MGST1: variants seen among roughly 807,000 people sequenced by gnomAD.
MGST1 encodes the protein glutathione S-transferase 12.
A neutral mutation model predicts 8.9 loss-of-function variants in MGST1; 5 were observed. The ratio of observed to expected loss-of-function variants is 0.56; its 90% CI spans 0.29 to 1.19. MGST1 has a LOEUF of 1.19. MGST1 is among the 50% of genes most tolerant of loss of function. The pLI is 0.08. For synonymous variants in MGST1, 54 were observed against 67.8 expected (o/e 0.80, Z 1.00); for missense variants, 182 against 187.4 (o/e 0.97, Z 0.17).
At chr12:16,565,591 A>T (rs1215077395) in intron 4 of MGST1, among the ~76,000 whole-genome samples, 1 of 152,216 alleles carries the variant, frequency 6.6e-6, no homozygotes, top group African/African-American at 2.4e-5. Flanking sequence ...GAATGTACAT[A>T]TAAAAATATA....
intron 4 of MGST1, among the ~76,000 whole-genome samples, chr12:16,454,249 A>AT (rs1434509154): frequency 7.2e-5 from 11 of 151,846 alleles, no homozygotes; most frequent in Non-Finnish European, 1.2e-4. Flanking sequence ...TTTAGGAACT[A>AT]TTTTTTCCTG....
intron 1 of MGST1, among the ~76,000 whole-genome samples, chr12:16,431,005 G>A (rs12310436): frequency 0.03 from 4,526 of 152,272 alleles, 247 homozygotes; most frequent in African/African-American, 0.1. Context: ...ATAACTTGCC[G>A]AAGCTTCTAC....
chr12:16,583,046 CA>C (rs55665813), intron 4 of MGST1, among the ~76,000 whole-genome samples: 2,032 of 126,670 alleles, frequency 0.016, 41 homozygotes, highest in African/African-American at 0.056. Context: ...GACTCCGCCT[CA>C]AAAAAAAAAA....
intron 2 of MGST1, among the ~76,000 whole-genome samples, chr12:16,355,142 T>C (rs533497925): frequency 6.6e-6 from 1 of 152,240 alleles, no homozygotes; most frequent in South Asian, 2.1e-4. Flanking sequence ...TCCTGAGTTT[T>C]GTCCTCTAGA....
chr12:16,359,486 G>A lies in MGST1; in HGVS notation c.221+1787G>A, dbSNP rs115788373. 6.2e-3 allele frequency among the ~76,000 whole-genome samples: 945 copies of A among 152,254 alleles called. 9 individuals carry two copies. Among genetic ancestry groups the A allele is most frequent in the African/African-American group, 0.021 (888 of 41,546 alleles). On this transcript the variant is annotated intron_variant, in intron 3 of 3. Coordinates refer to ENST00000396210, the MANE Select transcript of MGST1 (RefSeq NM_020300.5). The stretch of plus-strand genomic sequence containing the variant: ...TTCAGCAGCCCTGCTGAGTAAATCA[G>A]TGAGTCTTGAGAATGGGTTGTGTCA...
intron 4 of MGST1, among the ~76,000 whole-genome samples, chr12:16,518,268 T>G (rs1023954771): frequency 2.0e-5 from 3 of 152,196 alleles, no homozygotes; most frequent in Non-Finnish European, 4.4e-5. Context: ...TGTCTCTGCC[T>G]TGGAGCCTCT....
chr12:16,560,367 CAG>C lies in MGST1; in HGVS notation n.483-29156_483-29155del. The C allele has an allele frequency of 6.3e-7, 1 of 1,588,166 alleles. No individual in the cohort carries two copies. Among genetic ancestry groups the C allele is most frequent in the Non-Finnish European group, 8.6e-7 (1 of 1,167,300 alleles). ...CCACCTATTAAATAAATAGCCAGCA[CAG>C]AGAGGTTAACCATTTCTTAGAGACC... is the stretch of plus-strand genomic sequence containing the variant. On this transcript the variant is annotated intron_variant and non_coding_transcript_variant, in intron 4 of 4. Coordinates refer to the MGST1 transcript ENST00000538857. This position sits in a 1 kb window ranked among gnomAD's most constrained non-coding sequence, Gnocchi z 5.0.
intron 4 of MGST1, among the ~76,000 whole-genome samples, chr12:16,557,366 GAT>G (rs1491132082): frequency 1.5e-4 from 16 of 104,480 alleles, no homozygotes; most frequent in African/African-American, 5.4e-4. Context: ...AGGTGGCAAG[GAT>G]TTTTTTTTTT....
intron 4 of MGST1, among the ~76,000 whole-genome samples, chr12:16,464,112 CT>C (rs371880188): frequency 3.9e-5 from 6 of 152,134 alleles, no homozygotes; most frequent in African/African-American, 1.2e-4. Context: ...TATACAAAGA[CT>C]TTATAAGTCA....
intron 4 of MGST1, among the ~76,000 whole-genome samples, chr12:16,502,389 G>A (rs1241749929): frequency 4.6e-5 from 7 of 152,048 alleles, no homozygotes; most frequent in East Asian, 1.9e-4. Context: ...TATACTCTTC[G>A]CTTAAATTCA....
At chr12:16,583,858 A>C (rs1486673437) in intron 4 of MGST1, among the ~76,000 whole-genome samples, 1 of 152,164 alleles carries the variant, frequency 6.6e-6, no homozygotes, top group Non-Finnish European at 1.5e-5. Flanking sequence ...AGTGGGCAGG[A>C]AAGATAGAAG....
At chr12:16,396,642 G>A (rs1357681858) in intron 1 of MGST1, among the ~76,000 whole-genome samples, 1 of 151,876 alleles carries the variant, frequency 6.6e-6, no homozygotes, top group East Asian at 1.9e-4. Flanking sequence ...CACACCAACA[G>A]CAACCAAGCT....
At position 16,560,316 on chromosome 12, in the gene MGST1, T is replaced by C. The variant is rs2137330577; in HGVS notation, n.483-29212T>C. On this transcript the variant is annotated intron_variant and non_coding_transcript_variant, in intron 4 of 4. Transcript: ENST00000538857. This position sits in a 1 kb window ranked among gnomAD's most constrained non-coding sequence, Gnocchi z 5.0. The stretch of plus-strand genomic sequence containing the variant: ...CAGAACAGAAAAACGCTGAGATTGA[T>C]TGCTTTAAATGTATGAATATAATTT... The C allele has an allele frequency of 7.6e-7, 1 of 1,311,818 alleles. No individual in the cohort carries two copies. The highest frequency in any genetic ancestry group is 2.4e-5 in the East Asian group (1 of 41,436). The allele number at this position is 1,311,818 out of a possible 1,614,324, so 81.3% of individuals were successfully genotyped here.
At chr12:16,470,856 T>C (rs1409878166) in intron 4 of MGST1, among the ~76,000 whole-genome samples, 1 of 152,202 alleles carries the variant, frequency 6.6e-6, no homozygotes, top group East Asian at 1.9e-4. Context: ...CACATTAAGT[T>C]CTATAGTTTT....
At chr12:16,358,738 G>A (rs1449673050) in intron 3 of MGST1, among the ~76,000 whole-genome samples, 4 of 148,756 alleles carry the variant, frequency 2.7e-5, no homozygotes, top group African/African-American at 7.5e-5. Context: ...AAAGTGCTGG[G>A]ATTACAGGCG....
downstream of MGST1, among the ~76,000 whole-genome samples, chr12:16,443,107 A>G (rs1941051548): frequency 6.6e-6 from 1 of 151,784 alleles, no homozygotes; most frequent in Admixed American, 6.6e-5. Context: ...TATCTCTATG[A>G]CATGTCTCTT....
At chr12:16,403,902 C>T (rs924763514) in intron 1 of MGST1, among the ~76,000 whole-genome samples, 2 of 152,150 alleles carry the variant, frequency 1.3e-5, no homozygotes, top group Non-Finnish European at 2.9e-5. Context: ...ATTACCTCTA[C>T]TGATCTCTCC....
At chr12:16,409,707 G>A (rs922656271) in intron 1 of MGST1, among the ~76,000 whole-genome samples, 3 of 152,074 alleles carry the variant, frequency 2.0e-5, no homozygotes, top group African/African-American at 7.2e-5. Flanking sequence ...TGTTAAGTCA[G>A]CCTTTAACTA....
At position 16,478,600 on chromosome 12, in the gene MGST1, A is replaced by C. The variant is rs1444785586; in HGVS notation, n.482+94996A>C. Reference sequence around the variant, plus strand: ...TATATCTTAGACTGATTAAACCACAAAATTACTAGAAGAAAATTTTGGTGA... The same window carrying C: ...TATATCTTAGACTGATTAAACCACACAATTACTAGAAGAAAATTTTGGTGA... On this transcript the variant is annotated intron_variant and non_coding_transcript_variant, in intron 4 of 4. Transcript: ENST00000538857. Among the ~76,000 whole-genome samples the C allele has an allele frequency of 2.0e-5, 3 of 152,040 alleles. 1 individual carries two copies. Among genetic ancestry groups the C allele is most frequent in the Admixed American group, 2.0e-4 (3 of 15,234 alleles).
Sources: gnomAD v4.1 joint callset for allele counts (sites outside exome capture counted in the v4.1 genomes callset) on GRCh38, gnomAD v4.1.1 for gene constraint, Gnocchi (gnomAD v3.1) non-coding constraint, MANE v1.5 for transcripts, NCBI Gene and HGNC (gene_info 2026-07-23, HGNC 2026-07-21) for gene names.